Variants in DENND1B observed in about 807,000 individuals in gnomAD.
DENND1B encodes DENN domain-containing protein 1B.
In DENND1B, 59 loss-of-function variants were observed where a neutral mutation model predicts 90.1. The observed-to-expected ratio is 0.65, with a 90% CI of 0.53 to 0.81. The LOEUF is 0.81. Among genes scored for constraint, DENND1B ranks in the 40% least tolerant of loss-of-function variants. The pLI is 0.00. For synonymous variants in DENND1B, 337 were observed against 324.6 expected (o/e 1.04, Z -0.41); for missense variants, 862 against 912.6 (o/e 0.94, Z 0.71).
At chr1:197,736,670 T>C (rs1662718278) in intron 2 of DENND1B, among the ~76,000 whole-genome samples, 1 of 152,192 alleles carries the variant, frequency 6.6e-6, no homozygotes, top group South Asian at 2.1e-4. Flanking sequence ...ATAAATTCTA[T>C]GTATGTCATA....
intron 15 of DENND1B, among the ~76,000 whole-genome samples, chr1:197,572,429 G>A (rs1018873612): frequency 6.6e-6 from 1 of 152,184 alleles, no homozygotes; most frequent in South Asian, 2.1e-4. Flanking sequence ...CGAACTGGGC[G>A]GAGGCCACTG....
chr1:197,728,493 A>C (rs1053858888), intron 2 of DENND1B, among the ~76,000 whole-genome samples: 2 of 152,180 alleles, frequency 1.3e-5, no homozygotes, highest in Non-Finnish European at 2.9e-5. Context: ...ACTGAATCAT[A>C]TCCCTCTCAC....
At chr1:197,713,816 TA>T (rs1660260869) in intron 3 of DENND1B, among the ~76,000 whole-genome samples, 2 of 63,734 alleles carry the variant, frequency 3.1e-5, no homozygotes, top group South Asian at 7.2e-4. Context: ...ATATATTATA[TA>T]TAATATATTA....
intron 10 of DENND1B, among the ~76,000 whole-genome samples, chr1:197,631,277 T>A (rs957187294): frequency 9.2e-5 from 14 of 152,104 alleles, no homozygotes; most frequent in Admixed American, 6.6e-4. Context: ...AAATATACAA[T>A]ATAAGAATCA....
At chr1:197,773,132 A>C in intron 1 of DENND1B, 200 bp from the exon 2 acceptor site, 1 of 568,714 alleles carries the variant, frequency 1.8e-6, no homozygotes, top group East Asian at 3.1e-5. Context: ...GGAATTCTGA[A>C]ACTTGGGGCA....
the DENND1B span, among the ~76,000 whole-genome samples, chr1:197,780,993 A>G: frequency 6.6e-6 from 1 of 152,262 alleles, no homozygotes; most frequent in Non-Finnish European, 1.5e-5. Flanking sequence ...TCCCAACCCC[A>G]ACCACTTATT....
intron 3 of DENND1B, chr1:197,688,994 G>A (rs921390462): frequency 4.6e-6 from 1 of 215,296 alleles, no homozygotes; most frequent in Non-Finnish European, 9.9e-6. Flanking sequence ...CTCCACATGG[G>A]AATCTGAGAC....
At chr1:197,574,419 C>A (rs968042051) in intron 15 of DENND1B, among the ~76,000 whole-genome samples, 8 of 152,266 alleles carry the variant, frequency 5.3e-5, no homozygotes, top group African/African-American at 1.9e-4. Flanking sequence ...GAACTACAAA[C>A]CACTGCTCAA....
intron 2 of DENND1B, among the ~76,000 whole-genome samples, chr1:197,733,040 A>C (rs2102325942): frequency 6.6e-6 from 1 of 152,338 alleles, no homozygotes; most frequent in South Asian, 2.1e-4. Flanking sequence ...ATAGACAAAC[A>C]TGATCATATT....
intron 20 of DENND1B, among the ~76,000 whole-genome samples, chr1:197,528,850 A>G (rs1473799181): frequency 8.1e-6 from 1 of 124,026 alleles, no homozygotes; most frequent in African/African-American, 2.5e-5. Context: ...ACAGAGCGAG[A>G]CTCATCTCAA....
At chr1:197,558,896 AT>A (rs1202094051) in intron 15 of DENND1B, among the ~76,000 whole-genome samples, 1 of 151,928 alleles carries the variant, frequency 6.6e-6, no homozygotes, top group Admixed American at 6.6e-5. Flanking sequence ...ATTCAAATTC[AT>A]TTTTTAAATA....
intron 15 of DENND1B, among the ~76,000 whole-genome samples, chr1:197,579,119 T>G (rs1313023946): frequency 2.0e-5 from 3 of 152,212 alleles, no homozygotes; most frequent in Admixed American, 2.0e-4. Flanking sequence ...GTCAAATGAT[T>G]AGGAGTTTTA....
chr1:197,540,008 G>A lies in DENND1B; in HGVS notation c.1471C>T (p.His491Tyr). 1 of 1,613,310 alleles carries A rather than the reference G, an allele frequency of 6.2e-7. No homozygotes were observed. Reference sequence around the variant, plus strand: ...TCTGAGTTTCCTCCCTTTTCATTGTGTAATTTGTAAACTGGTGTATATTGT... The same window carrying A: ...TCTGAGTTTCCTCCCTTTTCATTGTATAATTTGTAAACTGGTGTATATTGT... ...SVQYTPVYKL[H>Y]NEKGGNSEKR... Residue 491 changes from histidine to tyrosine, a missense_variant, in exon 20 of 23, where the codon CAC becomes TAC. His to Tyr is a moderately conservative substitution (Grantham distance 83). Coordinates refer to ENST00000620048, the MANE Select transcript of DENND1B (RefSeq NM_001195215.2).
chr1:197,763,210 C>A (rs536867635), intron 2 of DENND1B, among the ~76,000 whole-genome samples: 39 of 152,276 alleles, frequency 2.6e-4, no homozygotes, highest in African/African-American at 9.1e-4. Flanking sequence ...ACTCAGAAGA[C>A]TGAGGCGGGA....
intron 2 of DENND1B, among the ~76,000 whole-genome samples, chr1:197,748,458 G>A (rs541767478): frequency 1.3e-5 from 2 of 152,268 alleles, no homozygotes; most frequent in Admixed American, 1.3e-4. Flanking sequence ...AATTAAGATT[G>A]CAGATGCAGT....
chr1:197,619,958 G>A (rs72744906), intron 10 of DENND1B, among the ~76,000 whole-genome samples: 3,628 of 151,170 alleles, frequency 0.024, 74 homozygotes, highest in Non-Finnish European at 0.039. Flanking sequence ...ACAAGGAGAG[G>A]AAAAAATATA....
intron 15 of DENND1B, among the ~76,000 whole-genome samples, chr1:197,571,375 C>G (rs1216409664): frequency 6.6e-6 from 1 of 152,212 alleles, no homozygotes; most frequent in Non-Finnish European, 1.5e-5. Context: ...CAACTCTTTT[C>G]CATGCCCACA....
intron 3 of DENND1B, among the ~76,000 whole-genome samples, chr1:197,713,902 T>TGTA (rs1660326459): frequency 0.071 from 1 of 14 alleles, no homozygotes; most frequent in Non-Finnish European, 0.12. Context: ...TAATATATTA[T>TGTA]ATAATATATT....
chr1:197,557,083 G>T (rs1671780496), intron 15 of DENND1B, among the ~76,000 whole-genome samples: 1 of 152,026 alleles, frequency 6.6e-6, no homozygotes, highest in South Asian at 2.1e-4. Context: ...TCAAAGCTAG[G>T]AACTTATAAT....
Sources: gnomAD v4.1 joint callset for allele counts (sites outside exome capture counted in the v4.1 genomes callset) on GRCh38, gnomAD v4.1.1 for gene constraint, MANE v1.5 for transcripts, NCBI Gene and HGNC (gene_info 2026-07-23, HGNC 2026-07-21) for gene names.